DST: variants seen among roughly 807,000 people sequenced by gnomAD.
DST encodes dystonin.
A neutral mutation model predicts 875.2 loss-of-function variants in DST; 253 were observed. That is an observed-to-expected ratio of 0.29 (90% CI 0.26 to 0.32). The LOEUF is 0.32. Among genes scored for constraint, DST ranks in the 10% least tolerant of loss-of-function variants. The probability of loss-of-function intolerance (pLI) is 1.00; values close to 1 mark genes in which losing one functional copy is unlikely to be tolerated. For synonymous variants in DST, 3,124 were observed against 3,197.1 expected (o/e 0.98, Z 0.77); for missense variants, 8,287 against 9,111.6 (o/e 0.91, Z 3.68).
chr6:56,825,987 TTAAA>T (rs1392844881), intron 4 of DST, among the ~76,000 whole-genome samples: 1 of 152,234 alleles, frequency 6.6e-6, no homozygotes, highest in African/African-American at 2.4e-5. Flanking sequence ...ATATAATTTA[TTAAA>T]TAAATGAATG....
Position 56,526,480 on chromosome 6 carries a change from T to TC in DST, c.18009dup (p.Arg6004GlufsTer7). ...ATTTTCTCAAGTCCTTCTCTTGCCC[T>TC]CCATGGTACCAGTTCCAGCAAAGCA... On this transcript the variant is annotated frameshift_variant, in exon 69 of 104. Coordinates refer to ENST00000680361, the MANE Select transcript of DST (RefSeq NM_001374736.1). LOFTEE classifies it high-confidence loss of function. The TC allele has an allele frequency of 6.2e-7, 1 of 1,613,904 alleles. No homozygotes were observed. The highest frequency in any genetic ancestry group is 8.5e-7 in the Non-Finnish European group (1 of 1,179,814).
At chr6:56,720,855 A>G (rs1441899627) in intron 5 of DST, among the ~76,000 whole-genome samples, 1 of 151,964 alleles carries the variant, frequency 6.6e-6, no homozygotes, top group Non-Finnish European at 1.5e-5. Context: ...CCCGTTCTCA[A>G]TGAGCTGTTT....
intron 4 of DST, among the ~76,000 whole-genome samples, chr6:56,845,182 C>T (rs1016632693): frequency 6.6e-6 from 1 of 152,204 alleles, no homozygotes; most frequent in Non-Finnish European, 1.5e-5. Context: ...TGATTGTTGA[C>T]AGTCTGACCT....
chr6:56,535,254 C>T lies in DST; in HGVS notation c.16809G>A (p.Leu5603=), dbSNP rs762745517. The change falls in exon 63 of 104, where the codon CTG becomes CTA. Residue 5603 remains leucine, a synonymous_variant. Coordinates refer to ENST00000680361, the MANE Select transcript of DST (RefSeq NM_001374736.1). ...GGGCATCCTGGAACCTCCCACAGTGCAGCAAGGCCTCCTGCAGCTGGGCTG... is the reference window on the plus strand; with the variant it reads ...GGGCATCCTGGAACCTCCCACAGTGTAGCAAGGCCTCCTGCAGCTGGGCTG... ...QRAAQLQEAL[L]HCGRFQDALE... 1 of 1,605,742 alleles carries T rather than the reference C, an allele frequency of 6.2e-7. No individual in the cohort carries two copies. The highest frequency in any genetic ancestry group is 8.5e-7 in the Non-Finnish European group (1 of 1,177,304).
At chr6:56,639,089 T>C (rs181756337) in intron 22 of DST, 170 bp downstream of exon 22, 1 of 661,292 alleles carries the variant, frequency 1.5e-6, no homozygotes, top group Non-Finnish European at 2.7e-6. Flanking sequence ...GTGACATACT[T>C]AGAGCCAGAG....
At chr6:56,631,510 CTT>C in intron 29 of DST, 121 bp from the exon 30 acceptor site, 1 of 812,786 alleles carries the variant, frequency 1.2e-6, no homozygotes. Context: ...TCTACATATT[CTT>C]TGTTTGTTAT....
At chr6:56,669,801 G>A (rs970735577) in intron 10 of DST, among the ~76,000 whole-genome samples, 1 of 152,066 alleles carries the variant, frequency 6.6e-6, no homozygotes. Flanking sequence ...TGACAATAGG[G>A]ATGTTGTGAG....
chr6:56,471,013 A>T, intron 95 of DST, 93 bp downstream of exon 95: 1 of 1,319,960 alleles, frequency 7.6e-7, no homozygotes, highest in Non-Finnish European at 1.0e-6. Flanking sequence ...ACAATGCTTT[A>T]TTGTAACACA....
chr6:56,516,015 T>C (rs543391927), intron 71 of DST, among the ~76,000 whole-genome samples: 17 of 151,982 alleles, frequency 1.1e-4, no homozygotes, highest in African/African-American at 3.9e-4. Context: ...TTTTTGCAAA[T>C]GAAATTGTCA....
intron 62 of DST, among the ~76,000 whole-genome samples, chr6:56,535,697 CAG>C (rs2096983299): frequency 6.6e-6 from 1 of 152,108 alleles, no homozygotes; most frequent in Non-Finnish European, 1.5e-5. Flanking sequence ...TAAGAATAAA[CAG>C]AACTATTATA....
At chr6:56,498,925 C>T (rs2096018930) in intron 80 of DST, among the ~76,000 whole-genome samples, 1 of 152,102 alleles carries the variant, frequency 6.6e-6, no homozygotes, top group Non-Finnish European at 1.5e-5. Flanking sequence ...GCAAATAATG[C>T]CTTCCTTTTA....
intron 12 of DST, among the ~76,000 whole-genome samples, chr6:56,649,898 C>A (rs1170365902): frequency 1.3e-5 from 2 of 152,068 alleles, no homozygotes; most frequent in African/African-American, 2.4e-5. Flanking sequence ...GGAAAGCTAT[C>A]GGCCTAGTTC....
rs375775855 is a variant in DST at position 56,639,248 on chromosome 6, T to C, written c.2964+11A>G. ...ATATTCAACCAACACCATTACACTT[T>C]CCAGCTTTACCTCAATAGTTAACCG... On this transcript the variant is annotated intron_variant, in intron 22 of 103. Coordinates refer to ENST00000680361, the MANE Select transcript of DST (RefSeq NM_001374736.1). 6.2e-7 allele frequency: 1 copy of C among 1,603,854 alleles called. No homozygotes were observed. The highest frequency in any genetic ancestry group is 2.2e-5 in the East Asian group (1 of 44,804).
intron 55 of DST, among the ~76,000 whole-genome samples, chr6:56,566,096 G>C (rs1430489869): frequency 6.6e-6 from 1 of 152,200 alleles, no homozygotes; most frequent in African/African-American, 2.4e-5. Context: ...TGCTGGCAGT[G>C]AGAATTTCAA....
intron 4 of DST, among the ~76,000 whole-genome samples, chr6:56,791,394 T>C (rs1052644344): frequency 6.6e-6 from 1 of 152,180 alleles, no homozygotes; most frequent in African/African-American, 2.4e-5. Flanking sequence ...TTCTCACTGC[T>C]GGGAACCAGG....
chr6:56,954,365 T>G, intron 1 of DST, 42 bp downstream of exon 1: 1 of 1,333,194 alleles, frequency 7.5e-7, no homozygotes, highest in Non-Finnish European at 1.0e-6. Context: ...TCGGCTTAAT[T>G]GTTCCTGGTA....
chr6:56,688,890 G>A (rs1008879063), intron 9 of DST, among the ~76,000 whole-genome samples: 3 of 152,184 alleles, frequency 2.0e-5, no homozygotes, highest in Non-Finnish European at 4.4e-5. Context: ...GGGAAAGAGA[G>A]AGGAGTAATA....
chr6:56,741,322 A>G (rs2099546064), intron 4 of DST, among the ~76,000 whole-genome samples: 1 of 152,258 alleles, frequency 6.6e-6, no homozygotes, highest in African/African-American at 2.4e-5. Flanking sequence ...ATGATCCGTA[A>G]CTAAAGTACA....
chr6:56,790,445 A>G (rs1363459967), intron 4 of DST, among the ~76,000 whole-genome samples: 1 of 152,142 alleles, frequency 6.6e-6, no homozygotes, highest in Non-Finnish European at 1.5e-5. Flanking sequence ...TGTCTTATTA[A>G]TTCTCAGTCA....
Sources: gnomAD v4.1 joint callset for allele counts (sites outside exome capture counted in the v4.1 genomes callset) on GRCh38, gnomAD v4.1.1 for gene constraint, MANE v1.5 for transcripts, NCBI Gene and HGNC (gene_info 2026-07-23, HGNC 2026-07-21) for gene names.